Variants in KIRREL1 observed in about 807,000 individuals in gnomAD.
The protein encoded by KIRREL1 is kirre like nephrin family adhesion molecule 1, also known as kin of IRRE-like protein 1.
In KIRREL1, 25 loss-of-function variants were observed where a neutral mutation model predicts 83.3. That is an observed-to-expected ratio of 0.30 (90% CI 0.22 to 0.42). The LOEUF (loss-of-function observed/expected upper bound fraction) is 0.42, where lower values mean the gene tolerates loss of function less well. KIRREL1 is among the 10% of genes least tolerant of loss of function. The probability of loss-of-function intolerance (pLI) is 1.00; values close to 1 mark genes in which losing one functional copy is unlikely to be tolerated. For missense variants in KIRREL1, 812 were observed against 1,032.3 expected (o/e 0.79, Z 2.92); for synonymous variants, 388 against 410.4 (o/e 0.95, Z 0.66).
intron 1 of KIRREL1, among the ~76,000 whole-genome samples, chr1:158,035,528 C>T (rs1460754271): frequency 1.3e-5 from 2 of 152,188 alleles, no homozygotes; most frequent in Admixed American, 6.5e-5. Flanking sequence ...CTGCACAAGA[C>T]ACTGCTAGAT....
At chr1:157,995,208 G>A (rs1020618023) in intron 1 of KIRREL1, among the ~76,000 whole-genome samples, 2 of 152,130 alleles carry the variant, frequency 1.3e-5, no homozygotes, top group Non-Finnish European at 2.9e-5. Context: ...TCCCAGTTCC[G>A]AAGGCAAAGC....
intron 1 of KIRREL1, among the ~76,000 whole-genome samples, chr1:158,041,329 C>T (rs1660621319): frequency 6.6e-6 from 1 of 152,194 alleles, no homozygotes; most frequent in Non-Finnish European, 1.5e-5. Context: ...TAAGGTGGTC[C>T]TGGTCTTGAA....
intron 1 of KIRREL1, among the ~76,000 whole-genome samples, chr1:158,014,665 G>A (rs1659775820): frequency 1.0e-5 from 1 of 96,222 alleles, no homozygotes; most frequent in African/African-American, 4.3e-5. Flanking sequence ...ACTATTAAGA[G>A]AAATATAGTC....
chr1:158,049,800 G>A (rs1660865892), intron 1 of KIRREL1, among the ~76,000 whole-genome samples: 1 of 152,132 alleles, frequency 6.6e-6, no homozygotes, highest in Admixed American at 6.6e-5. Flanking sequence ...TATGAGGTAG[G>A]AGAAGAAAGT....
At chr1:158,020,375 A>T (rs1377543874) in intron 1 of KIRREL1, among the ~76,000 whole-genome samples, 1 of 151,852 alleles carries the variant, frequency 6.6e-6, no homozygotes, top group Non-Finnish European at 1.5e-5. Flanking sequence ...AGTCTTCTCA[A>T]CTCCCCCCAA....
At position 158,096,510 on chromosome 1, in the gene KIRREL1, C is replaced by G. The variant is rs1403631399; in HGVS notation, c.*1390C>G. 2.2e-6 allele frequency: 1 copy of G among 451,242 alleles called. No individual in the cohort carries two copies. The highest frequency in any genetic ancestry group is 4.5e-6 in the Non-Finnish European group (1 of 223,764). 28.0% of individuals were successfully genotyped at this position (451,242 alleles called of 1,614,324 possible). On this transcript the variant is annotated 3_prime_UTR_variant, in exon 15 of 15. Transcript: ENST00000359209. Reference sequence around the variant, plus strand: ...GCCTCGGACACACTGTTAAGTGTTACAGTGTTAGGAGAGAGATGGGTGAGG... The same window carrying G: ...GCCTCGGACACACTGTTAAGTGTTAGAGTGTTAGGAGAGAGATGGGTGAGG...
chr1:158,027,776 T>C (rs895109223), intron 1 of KIRREL1, among the ~76,000 whole-genome samples: 11 of 152,314 alleles, frequency 7.2e-5, no homozygotes, highest in Non-Finnish European at 1.3e-4. Flanking sequence ...GTCCTCAATA[T>C]GTTTGTGTTG....
At chr1:158,018,655 A>G (rs138792106) in intron 1 of KIRREL1, among the ~76,000 whole-genome samples, 4 of 152,288 alleles carry the variant, frequency 2.6e-5, no homozygotes, top group African/African-American at 4.8e-5. Context: ...TGGGACTGCT[A>G]GAATGAGGAA....
intron 1 of KIRREL1, among the ~76,000 whole-genome samples, chr1:158,032,178 G>A (rs1660347050): frequency 6.6e-6 from 1 of 152,210 alleles, no homozygotes; most frequent in Non-Finnish European, 1.5e-5. Flanking sequence ...TGTATGATGG[G>A]AACTGGGGAC....
At chr1:158,064,720 A>G (rs1661314506) in intron 1 of KIRREL1, among the ~76,000 whole-genome samples, 1 of 152,040 alleles carries the variant, frequency 6.6e-6, no homozygotes, top group African/African-American at 2.4e-5. Context: ...GGGTCTGGGG[A>G]CACACCTGTG....
intron 12 of KIRREL1, 87 bp downstream of exon 12, chr1:158,093,533 G>A: frequency 6.2e-7 from 1 of 1,602,446 alleles, no homozygotes; most frequent in Non-Finnish European, 8.5e-7. Flanking sequence ...TGGGAGGTTG[G>A]CCCTTGAGCT....
intron 1 of KIRREL1, among the ~76,000 whole-genome samples, chr1:158,068,688 G>A (rs754876010): frequency 2.0e-5 from 3 of 151,834 alleles, no homozygotes; most frequent in African/African-American, 2.4e-5. Flanking sequence ...TCTCTCCTTC[G>A]CCCTTCGATG....
At chr1:158,069,109 G>T (rs2101615857) in intron 1 of KIRREL1, among the ~76,000 whole-genome samples, 1 of 152,288 alleles carries the variant, frequency 6.6e-6, no homozygotes, top group Non-Finnish European at 1.5e-5. Context: ...GTTCCGGGCT[G>T]GCCTGGCAGC....
rs181387740 is a variant in KIRREL1, at chr1:158,014,872, G to A, written c.52+21144G>A. Among the ~76,000 whole-genome samples the A allele has an allele frequency of 1.3e-3, 202 of 151,960 alleles. 2 individuals are homozygous for A. Among genetic ancestry groups the A allele is most frequent in the Non-Finnish European group, 9.0e-4 (61 of 67,992 alleles). ...TGCTAGGATTCTTGGGGTCTTCCTC[G>A]GAAGGGGAGGTGCGTTCTCCTCCTT... is the stretch of plus-strand genomic sequence containing the variant. On this transcript the variant is annotated intron_variant, in intron 1 of 14. Transcript: ENST00000359209.
chr1:158,095,352 CTT>C lies in KIRREL1; in HGVS notation c.*233_*234del. The stretch of plus-strand genomic sequence containing the variant: ...CCCTCTTCTTCGGGAGGATGTGTCT[CTT>C]CTGACCTGCACTCTTGCCTGACCCT... On this transcript the variant is annotated 3_prime_UTR_variant, in exon 15 of 15. Transcript: ENST00000359209. 2.0e-6 allele frequency: 1 copy of C among 508,548 alleles called. No individual in the cohort carries two copies. The highest frequency in any genetic ancestry group is 3.1e-5 in the South Asian group (1 of 32,506). The allele number at this position is 508,548 out of a possible 1,614,324, so 31.5% of individuals were successfully genotyped here.
chr1:157,995,032 A>G (rs1659156393), intron 1 of KIRREL1, among the ~76,000 whole-genome samples: 1 of 152,220 alleles, frequency 6.6e-6, no homozygotes, highest in African/African-American at 2.4e-5. Flanking sequence ...GCAGACACCT[A>G]TGGAGATGTA....
intron 1 of KIRREL1, among the ~76,000 whole-genome samples, chr1:158,064,282 A>G (rs1441280930): frequency 6.6e-6 from 1 of 152,238 alleles, no homozygotes; most frequent in Non-Finnish European, 1.5e-5. Context: ...CTTTGGCGTC[A>G]TGGTTAACTG....
At chr1:158,045,771 C>A (rs997036560) in intron 1 of KIRREL1, among the ~76,000 whole-genome samples, 2 of 152,212 alleles carry the variant, frequency 1.3e-5, no homozygotes, top group Non-Finnish European at 2.9e-5. Flanking sequence ...TGGCTCAGTG[C>A]CCTAACCTTC....
chr1:158,069,298 G>C (rs1326275701), intron 1 of KIRREL1, among the ~76,000 whole-genome samples: 2 of 124,110 alleles, frequency 1.6e-5, no homozygotes, highest in East Asian at 5.1e-4. Flanking sequence ...AGTGTATGAC[G>C]TACTTGTGTG....
Sources: gnomAD v4.1 joint callset for allele counts (sites outside exome capture counted in the v4.1 genomes callset) on GRCh38, gnomAD v4.1.1 for gene constraint, MANE v1.5 for transcripts, NCBI Gene and HGNC (gene_info 2026-07-23, HGNC 2026-07-21) for gene names.